Variants in RGS22 observed in about 807,000 individuals in gnomAD.
The protein encoded by RGS22 is regulator of G protein signaling 22.
In RGS22, 148 loss-of-function variants were observed where a neutral mutation model predicts 172.9. The ratio of observed to expected loss-of-function variants is 0.86; its 90% confidence interval spans 0.75 to 0.98. RGS22 has a LOEUF of 0.98. Among genes scored for constraint, RGS22 ranks in the 50% least tolerant of loss-of-function variants. The probability of loss-of-function intolerance (pLI) is 0.00; values close to 1 mark genes in which losing one functional copy is unlikely to be tolerated. For missense variants in RGS22, 1,347 were observed against 1,440.8 expected (o/e 0.93, Z 1.05); for synonymous variants, 458 against 480.2 (o/e 0.95, Z 0.60).
chr8:99,999,257 T>C lies in RGS22; in HGVS notation c.2949+5A>G, dbSNP rs754998005. 2 of 1,612,390 alleles carry C rather than the reference T, an allele frequency of 1.2e-6. No individual in the cohort carries two copies. Among genetic ancestry groups the C allele is most frequent in the Non-Finnish European group, 1.7e-6 (2 of 1,179,280 alleles). ...GCTATCAAAAGATTATACTAATTTATATACCTTTATCTTCTGACGTGCTGC... is the reference window on the plus strand; with the variant it reads ...GCTATCAAAAGATTATACTAATTTACATACCTTTATCTTCTGACGTGCTGC... On this transcript the variant is annotated splice_donor_5th_base_variant and intron_variant, in intron 19 of 27. Transcript: ENST00000360863.
chr8:99,998,888 G>A lies in RGS22; in HGVS notation c.2949+374C>T, dbSNP rs115910775. Among the ~76,000 whole-genome samples, 957 of 152,230 alleles carry A rather than the reference G, an allele frequency of 6.3e-3. 5 individuals carry two copies. The highest frequency in any genetic ancestry group is 0.034 in the Middle Eastern group (10 of 294). On this transcript the variant is annotated intron_variant, in intron 19 of 27. Transcript: ENST00000360863. ...TACAATGACTAAGGCCTGGCATGGCGTCTCACACCTGTAATCCCAGCACTT... is the reference window on the plus strand; with the variant it reads ...TACAATGACTAAGGCCTGGCATGGCATCTCACACCTGTAATCCCAGCACTT...
chr8:100,004,987 C>T (rs79198457), intron 16 of RGS22, among the ~76,000 whole-genome samples: 2,984 of 151,944 alleles, frequency 0.02, 47 homozygotes, highest in African/African-American at 0.041. Flanking sequence ...ATTCATCTCC[C>T]TATTTGTTTT....
intron 2 of RGS22, among the ~76,000 whole-genome samples, chr8:100,104,346 G>GTGTGTGTA (rs1422314021): frequency 6.8e-6 from 1 of 146,164 alleles, no homozygotes. Flanking sequence ...GTGTGTGTGT[G>GTGTGTGTA]TGTGTGTGTG....
At chr8:100,100,313 G>A (rs370864880) in intron 2 of RGS22, among the ~76,000 whole-genome samples, 5 of 140,002 alleles carry the variant, frequency 3.6e-5, no homozygotes, top group African/African-American at 1.1e-4. Flanking sequence ...TTTTTGAGAC[G>A]TAGTCTCATT....
chr8:100,066,561 C>T (rs909860044), intron 6 of RGS22, among the ~76,000 whole-genome samples: 5 of 152,154 alleles, frequency 3.3e-5, no homozygotes, highest in African/African-American at 1.2e-4. Context: ...CACTCTCACT[C>T]TCAGACTATT....
Position 100,008,436 on chromosome 8 carries a change from A to C in RGS22, c.2300T>G (p.Leu767Arg). Residue 767 changes from leucine to arginine, a missense_variant, in exon 15 of 28, where the codon CTT (leucine) becomes CGT (arginine). Leu to Arg is a moderately radical substitution (Grantham distance 102). Coordinates refer to ENST00000360863, the MANE Select transcript of RGS22 (RefSeq NM_015668.5). ...DLFDTAEEYI[L>R]LLLLEPWTKM... ...TGTCCATGGCTCAAGAAGGAGGAGAAGGATATATTCCTCTGCTGTGTCAAA... is the reference window on the plus strand; with the variant it reads ...TGTCCATGGCTCAAGAAGGAGGAGACGGATATATTCCTCTGCTGTGTCAAA... The C allele has an allele frequency of 6.2e-7, 1 of 1,613,358 alleles. No homozygotes were observed. The highest frequency in any genetic ancestry group is 8.5e-7 in the Non-Finnish European group (1 of 1,179,870).
chr8:99,981,853 C>A, intron 22 of RGS22, 84 bp downstream of exon 22: 1 of 1,315,526 alleles, frequency 7.6e-7, no homozygotes, highest in Non-Finnish European at 1.0e-6. Context: ...TGAGCCACCA[C>A]GCCTGGCCCA....
At chr8:99,970,089 T>A (rs914257279) in intron 23 of RGS22, among the ~76,000 whole-genome samples, 13 of 152,106 alleles carry the variant, frequency 8.5e-5, no homozygotes, top group African/African-American at 1.2e-4. Context: ...CATTTGAAAC[T>A]GCACAACTAT....
chr8:100,052,112 T>TAA (rs376183829), intron 10 of RGS22, among the ~76,000 whole-genome samples: 49 of 30,972 alleles, frequency 1.6e-3, no homozygotes, highest in Non-Finnish European at 2.5e-3. Flanking sequence ...TATAAATGTT[T>TAA]ATATATATTT....
intron 20 of RGS22, among the ~76,000 whole-genome samples, chr8:99,992,685 G>A (rs979658337): frequency 4.6e-5 from 7 of 152,016 alleles, no homozygotes; most frequent in Non-Finnish European, 7.4e-5. Flanking sequence ...TTAACACCCC[G>A]CTATGAATAT....
At chr8:100,034,308 C>T (rs572352776) in intron 14 of RGS22, among the ~76,000 whole-genome samples, 8 of 152,194 alleles carry the variant, frequency 5.3e-5, no homozygotes, top group South Asian at 4.2e-4. Flanking sequence ...ACAAGCATTC[C>T]TATACACCAA....
intron 16 of RGS22, among the ~76,000 whole-genome samples, chr8:100,005,350 T>C (rs1422884030): frequency 6.6e-6 from 1 of 152,262 alleles, no homozygotes; most frequent in South Asian, 2.1e-4. Context: ...TAATTTTACA[T>C]AAACAGGATC....
chr8:99,987,452 C>T lies in RGS22; in HGVS notation c.3180+6G>A, dbSNP rs1008272832. The stretch of plus-strand genomic sequence containing the variant: ...AGGTGGTTTTCTCTAGCTCCCAATA[C>T]AATACCTTATATTTTTGTACTTCTT... On this transcript the variant is annotated splice_donor_region_variant and intron_variant, in intron 21 of 27. Coordinates refer to ENST00000360863, the MANE Select transcript of RGS22 (RefSeq NM_015668.5). 2 of 1,595,290 alleles carry T rather than the reference C, an allele frequency of 1.3e-6. No homozygotes were observed. Among genetic ancestry groups the T allele is most frequent in the Non-Finnish European group, 1.7e-6 (2 of 1,169,568 alleles).
At chr8:100,051,712 A>ATATATGTTTATACAT (rs1563670842) in intron 10 of RGS22, among the ~76,000 whole-genome samples, 147 of 14,082 alleles carry the variant, frequency 0.01, 54 homozygotes, top group African/African-American at 0.078. Flanking sequence ...CGTATATATA[A>ATATATGTTTATACAT]ATATATATTT....
intron 2 of RGS22, among the ~76,000 whole-genome samples, chr8:100,103,316 T>A (rs1037448048): frequency 6.6e-6 from 1 of 152,028 alleles, no homozygotes; most frequent in African/African-American, 2.4e-5. Context: ...AGACCCAGGG[T>A]GGGGGCCTGA....
At chr8:100,011,654 G>A (rs755570785) in intron 14 of RGS22, among the ~76,000 whole-genome samples, 6 of 152,196 alleles carry the variant, frequency 3.9e-5, no homozygotes, top group Non-Finnish European at 7.3e-5. Flanking sequence ...AAAACACCCT[G>A]AGAGCAGGAA....
intron 7 of RGS22, among the ~76,000 whole-genome samples, chr8:100,065,375 AAAC>A (rs1410334837): frequency 2.0e-5 from 3 of 152,200 alleles, no homozygotes; most frequent in Admixed American, 6.5e-5. Context: ...TATTTTGGGA[AAAC>A]AACAAGAAGC....
At chr8:100,003,715 A>C (rs1815361198) in intron 17 of RGS22, among the ~76,000 whole-genome samples, 1 of 152,168 alleles carries the variant, frequency 6.6e-6, no homozygotes, top group South Asian at 2.1e-4. Flanking sequence ...ATATGTAACC[A>C]CTTAAAAGAA....
At chr8:99,974,510 G>GTT (rs745871507) in intron 23 of RGS22, among the ~76,000 whole-genome samples, 6 of 152,114 alleles carry the variant, frequency 3.9e-5, no homozygotes, top group Non-Finnish European at 8.8e-5. Context: ...TATAACAAAT[G>GTT]GATATAAGGC....
Sources: gnomAD v4.1 joint callset for allele counts (sites outside exome capture counted in the v4.1 genomes callset) on GRCh38, gnomAD v4.1.1 for gene constraint, MANE v1.5 for transcripts, NCBI Gene and HGNC (gene_info 2026-07-23, HGNC 2026-07-21) for gene names.